The following BRAP variants were observed in gnomAD, a reference collection of about 807,000 sequenced individuals.
BRAP encodes BRCA1-associated protein.
Under a neutral mutation model 73.4 loss-of-function variants are expected in BRAP, and 42 were observed. That is an observed-to-expected ratio of 0.57 (90% CI 0.45 to 0.74). The LOEUF is 0.74. Ranked by LOEUF, BRAP falls within the 30% of genes least tolerant of loss-of-function variation. BRAP has a pLI of 0.00. For synonymous variants in BRAP, 255 were observed against 267.4 expected, an observed-to-expected ratio of 0.95 and a Z score of 0.45; for missense variants, 593 against 751.4, an observed-to-expected ratio of 0.79 and a Z score of 2.46.
At chr12:111,681,126 T>C (rs1018233791) in intron 3 of BRAP, among the ~76,000 whole-genome samples, 1 of 152,080 alleles carries the variant, frequency 6.6e-6, no homozygotes, top group African/African-American at 2.4e-5. Flanking sequence ...TCCCAGCACT[T>C]TGGGAGGCTG....
chr12:111,660,639 T>C lies in BRAP; in HGVS notation c.933A>G (p.Pro311=). The C allele has an allele frequency of 1.2e-6, 2 of 1,608,142 alleles. No homozygotes were observed. Among genetic ancestry groups the C allele is most frequent in the Non-Finnish European group, 1.7e-6 (2 of 1,176,912 alleles). Residue 311 remains proline, a synonymous_variant, in exon 7 of 12, where the codon CCA becomes CCG. Transcript: ENST00000419234. ...PVCRYCQTPE[P]VEENKCFECG... ...ACTCAAAACACTTATTTTCTTCTAC[T>C]GGCTCGGGCGTTTGACAGTACCGGC...
intron 10 of BRAP, among the ~76,000 whole-genome samples, chr12:111,651,630 C>A (rs978170582): frequency 7.0e-6 from 1 of 143,608 alleles, no homozygotes; most frequent in Admixed American, 7.0e-5. Context: ...AGAAAGATTT[C>A]TTTTCTTTTT....
chr12:111,661,902 G>A (rs1042118134), intron 6 of BRAP, among the ~76,000 whole-genome samples: 35 of 151,646 alleles, frequency 2.3e-4, no homozygotes, highest in African/African-American at 8.2e-4. Flanking sequence ...AGTGGGCATA[G>A]GGTTTCACCA....
intron 9 of BRAP, among the ~76,000 whole-genome samples, chr12:111,657,227 A>G (rs1233853879): frequency 6.6e-6 from 1 of 152,092 alleles, no homozygotes; most frequent in African/African-American, 2.4e-5. Context: ...TATTTTTAGT[A>G]GAAGTGGGGT....
Position 111,665,636 on chromosome 12 carries a change from C to G in BRAP, c.896+3G>C, listed in dbSNP as rs1377622363. 1 of 1,614,004 alleles carries G rather than the reference C, an allele frequency of 6.2e-7. No homozygotes were observed. Among genetic ancestry groups the G allele is most frequent in the African/African-American group, 1.3e-5 (1 of 74,934 alleles). On this transcript the variant is annotated splice_donor_region_variant and intron_variant, in intron 6 of 11. Transcript: ENST00000419234. This position sits in a 1 kb window ranked among gnomAD's most constrained non-coding sequence, Gnocchi z 4.3. Reference sequence around the variant, plus strand: ...CACAGAGGGGTTCGGCCCCTGCACTCACGTGGTATCGTCCCAGCGCTGTAG... The same window carrying G: ...CACAGAGGGGTTCGGCCCCTGCACTGACGTGGTATCGTCCCAGCGCTGTAG...
At chr12:111,672,954 T>G in intron 4 of BRAP, 180 bp from the exon 5 acceptor site, 2 of 548,288 alleles carry the variant, frequency 3.6e-6, no homozygotes, top group South Asian at 5.1e-5. Flanking sequence ...TCACACTCTG[T>G]AAGTCAATAT....
chr12:111,651,183 TTTCC>T (rs1452215470), intron 10 of BRAP, among the ~76,000 whole-genome samples: 226 of 148,104 alleles, frequency 1.5e-3, no homozygotes, highest in African/African-American at 5.9e-3. Flanking sequence ...TTTTAATCAT[TTTCC>T]ATACAGCCTG....
intron 10 of BRAP, among the ~76,000 whole-genome samples, chr12:111,651,032 T>C (rs1332608200): frequency 6.6e-6 from 1 of 151,936 alleles, no homozygotes; most frequent in African/African-American, 2.4e-5. Context: ...TTTCCTCAAC[T>C]CCACTGGTCT....
chr12:111,685,610 C>G (rs946468001), intron 1 of BRAP, 101 bp downstream of exon 1: 3 of 1,416,638 alleles, frequency 2.1e-6, no homozygotes, highest in South Asian at 1.4e-5. Flanking sequence ...TCCTGGGCAA[C>G]AGCCCTCGCC....
intron 11 of BRAP, among the ~76,000 whole-genome samples, chr12:111,647,754 G>A (rs1347220443): frequency 1.3e-5 from 2 of 152,188 alleles, no homozygotes; most frequent in Admixed American, 6.5e-5. Flanking sequence ...AATTAGCCAC[G>A]CATGGTGGTG....
In BRAP at chr12:111,685,757, G is replaced by T. The variant is rs764605663; in HGVS notation, c.36C>A (p.Leu12=). The T allele has an allele frequency of 3.7e-6, 6 of 1,610,222 alleles. No homozygotes were observed. The highest frequency in any genetic ancestry group is 4.2e-6 in the Non-Finnish European group (5 of 1,178,974). ...SVSLVVIRLE[L]AEHSPVPAGF... ...CGGCGGGGACAGGCGAGTGTTCCGC[G>T]AGCTCCAATCGGATAACAACCAGTG... The change falls in exon 1 of 12, where the codon CTC becomes CTA. Residue 12 remains leucine (L), a synonymous_variant. Transcript: ENST00000419234.
chr12:111,656,698 G>C (rs1886548402), intron 9 of BRAP, among the ~76,000 whole-genome samples: 1 of 152,142 alleles, frequency 6.6e-6, no homozygotes, highest in African/African-American at 2.4e-5. Context: ...TGCAGCACTA[G>C]CACCAGTGGC....
At chr12:111,685,279 G>T (rs1022527241) in intron 1 of BRAP, among the ~76,000 whole-genome samples, 4 of 152,240 alleles carry the variant, frequency 2.6e-5, no homozygotes, top group African/African-American at 9.6e-5. Context: ...TGGGATATAG[G>T]AAGTGTCCAA....
chr12:111,661,633 T>C (rs1183401678), intron 6 of BRAP, among the ~76,000 whole-genome samples: 4 of 151,910 alleles, frequency 2.6e-5, no homozygotes, highest in South Asian at 4.2e-4. Context: ...TTCCCAAAGA[T>C]TTAAATCATT....
rs1885980710 is a variant in BRAP, at chr12:111,643,596, A to G, written c.*603T>C. The G allele has an allele frequency of 6.6e-6, 1 of 152,210 alleles. No individual in the cohort carries two copies. Among genetic ancestry groups the G allele is most frequent in the Admixed American group, 6.6e-5 (1 of 15,252 alleles). The allele number at this position is 152,210 out of a possible 1,614,324, so 9.4% of individuals were successfully genotyped here. A position where few individuals can be genotyped will look rare whatever the true frequency, so the allele number is the denominator to read the frequency against. ...TTTTCCTGGCTGGCCCCAGAGCAAGAAGAGATGACTGCTGGTAAAGAGCCA... is the reference window on the plus strand; with the variant it reads ...TTTTCCTGGCTGGCCCCAGAGCAAGGAGAGATGACTGCTGGTAAAGAGCCA... On this transcript the variant is annotated 3_prime_UTR_variant, in exon 12 of 12. Transcript: ENST00000419234.
intron 6 of BRAP, among the ~76,000 whole-genome samples, chr12:111,663,337 C>T (rs1724739478): frequency 6.6e-6 from 1 of 151,998 alleles, no homozygotes; most frequent in Admixed American, 6.6e-5. Context: ...CCTGTAGTCC[C>T]AGCTACTCGG....
chr12:111,645,457 G>A (rs1269836832), intron 11 of BRAP, among the ~76,000 whole-genome samples: 1 of 152,124 alleles, frequency 6.6e-6, no homozygotes, highest in African/African-American at 2.4e-5. Context: ...AAATTCTACT[G>A]CTTCTTTGTT....
rs565908706 is a variant in BRAP, at chr12:111,656,909, A to T, written c.1222-1254T>A. Among the ~76,000 whole-genome samples, 156 of 151,392 alleles carry T rather than the reference A, an allele frequency of 1.0e-3. 1 individual carries two copies. The highest frequency in any genetic ancestry group is 4.2e-3 in the South Asian group (20 of 4,794). ...CCACCACACCTGGATAATTTTTTTT[A>T]AAATTTATTTTTAGTGGAGACAAGG... is the stretch of plus-strand genomic sequence containing the variant. On this transcript the variant is annotated intron_variant, in intron 9 of 11. Coordinates refer to ENST00000419234, the MANE Select transcript of BRAP (RefSeq NM_006768.5).
At chr12:111,680,910 C>A (rs1306100800) in intron 3 of BRAP, among the ~76,000 whole-genome samples, 2 of 152,100 alleles carry the variant, frequency 1.3e-5, no homozygotes, top group Non-Finnish European at 2.9e-5. Context: ...TTTGTTTGAA[C>A]CACAGAAAAT....
Sources: gnomAD v4.1 joint callset for allele counts (sites outside exome capture counted in the v4.1 genomes callset) on GRCh38, gnomAD v4.1.1 for gene constraint, Gnocchi (gnomAD v3.1) non-coding constraint, MANE v1.5 for transcripts, NCBI Gene and HGNC (gene_info 2026-07-23, HGNC 2026-07-21) for gene names.